Variants in PRELID2 observed in about 807,000 individuals in gnomAD.
The protein encoded by PRELID2 is PRELI domain-containing protein 2.
A neutral mutation model predicts 28.4 loss-of-function variants in PRELID2; 25 were observed. That is an observed-to-expected ratio of 0.88 (90% CI 0.64 to 1.23). PRELID2 has a LOEUF of 1.23. PRELID2 is among the 50% of genes most tolerant of loss of function. The probability of loss-of-function intolerance (pLI) is 0.00; values close to 1 mark genes in which losing one functional copy is unlikely to be tolerated. For missense variants in PRELID2, 201 were observed against 214.4 expected (o/e 0.94, Z 0.39); for synonymous variants, 76 against 71.6 (o/e 1.06, Z -0.31).
chr5:145,811,690 A>G (rs1198038203), intron 4 of PRELID2, among the ~76,000 whole-genome samples: 1 of 152,194 alleles, frequency 6.6e-6, no homozygotes, highest in Admixed American at 6.5e-5. Context: ...TGTGTAAATA[A>G]AGCAGATCTG....
chr5:145,691,034 C>A lies in PRELID2; in HGVS notation n.70+73897G>T, dbSNP rs115510462. On this transcript the variant is annotated intron_variant and non_coding_transcript_variant, in intron 1 of 2. Coordinates refer to the PRELID2 transcript ENST00000510259. ...TTATGATGAAATAGGTACATTTATG[C>A]ACTGCATGTGATGGTGTAAATTGTG... 4.0e-3 allele frequency among the ~76,000 whole-genome samples: 608 copies of A among 151,922 alleles called. 6 individuals carry two copies. The highest frequency in any genetic ancestry group is 0.014 in the African/African-American group (584 of 41,450).
intron 5 of PRELID2, among the ~76,000 whole-genome samples, chr5:145,780,303 G>A (rs899173665): frequency 2.2e-4 from 33 of 152,266 alleles, no homozygotes; most frequent in African/African-American, 7.2e-4. Context: ...GCCTCAAAAC[G>A]ACAACAATAA....
At chr5:145,263,428 G>A in the PRELID2 span, among the ~76,000 whole-genome samples, 8 of 151,774 alleles carry the variant, frequency 5.3e-5, no homozygotes, top group African/African-American at 7.3e-5. Context: ...TAGACCATAC[G>A]CTAGGTCATA....
intron 1 of PRELID2, among the ~76,000 whole-genome samples, chr5:145,560,199 C>T (rs1463400026): frequency 6.6e-6 from 1 of 152,206 alleles, no homozygotes; most frequent in Non-Finnish European, 1.5e-5. Flanking sequence ...CACTTTTGCA[C>T]CATTGTAAAA....
At chr5:145,374,346 G>T in the PRELID2 span, among the ~76,000 whole-genome samples, 1 of 152,116 alleles carries the variant, frequency 6.6e-6, no homozygotes, top group Non-Finnish European at 1.5e-5. Context: ...CTGCTGAGAA[G>T]TCTGCTGTTA....
chr5:145,688,334 G>A lies in PRELID2; in HGVS notation n.70+76597C>T, dbSNP rs150095320. The stretch of plus-strand genomic sequence containing the variant: ...AAAACCCTCGGTAGTCACTTAGGGC[G>A]TGACTTGCATCAGCAGTAATGGTAA... On this transcript the variant is annotated intron_variant and non_coding_transcript_variant, in intron 1 of 2. Coordinates refer to the PRELID2 transcript ENST00000510259. 4.2e-3 allele frequency among the ~76,000 whole-genome samples: 645 copies of A among 152,280 alleles called. 3 individuals are homozygous for A. Among genetic ancestry groups the A allele is most frequent in the Middle Eastern group, 0.014 (4 of 294 alleles).
At chr5:145,260,434 G>A in the PRELID2 span, among the ~76,000 whole-genome samples, 2 of 152,128 alleles carry the variant, frequency 1.3e-5, no homozygotes, top group Admixed American at 1.3e-4. Context: ...CATATCAGAA[G>A]ACTTAAACAG....
intron 4 of PRELID2, among the ~76,000 whole-genome samples, chr5:145,812,965 G>A (rs1006681794): frequency 2.0e-5 from 3 of 152,212 alleles, no homozygotes; most frequent in Non-Finnish European, 2.9e-5. Flanking sequence ...AAGATGCCAC[G>A]ACTGTAGAGA....
At chr5:145,463,022 A>AAAAT in the PRELID2 span, among the ~76,000 whole-genome samples, 1 of 152,208 alleles carries the variant, frequency 6.6e-6, no homozygotes, top group Non-Finnish European at 1.5e-5. Flanking sequence ...TAAATAGTAA[A>AAAAT]AAATAAATAA....
chr5:145,770,494 A>G (rs995738233), intron 5 of PRELID2, among the ~76,000 whole-genome samples: 5 of 152,176 alleles, frequency 3.3e-5, no homozygotes, highest in African/African-American at 1.2e-4. Flanking sequence ...ACAAAGTGAG[A>G]GACCCTGTCT....
chr5:145,326,309 G>A, the PRELID2 span, among the ~76,000 whole-genome samples: 1 of 152,020 alleles, frequency 6.6e-6, no homozygotes, highest in Non-Finnish European at 1.5e-5. Flanking sequence ...GTCAGCCACA[G>A]CATTATTAAA....
At chr5:145,469,945 C>G (rs2126603890), downstream of PRELID2, among the ~76,000 whole-genome samples, 1 of 152,132 alleles carries the variant, frequency 6.6e-6, no homozygotes, top group East Asian at 1.9e-4. Context: ...AGGAATCTAT[C>G]CTACAGATAT....
chr5:145,249,659 CAACATTATTT>C, the PRELID2 span, among the ~76,000 whole-genome samples: 1 of 152,072 alleles, frequency 6.6e-6, no homozygotes, highest in Middle Eastern at 3.2e-3. Context: ...CACCTTCCTT[CAACATTATTT>C]TAAAGGGAAA....
At chr5:145,408,246 A>AT in the PRELID2 span, among the ~76,000 whole-genome samples, 1 of 152,080 alleles carries the variant, frequency 6.6e-6, no homozygotes, top group African/African-American at 2.4e-5. Flanking sequence ...ACAAGGTTTC[A>AT]TAACACCCTT....
downstream of PRELID2, among the ~76,000 whole-genome samples, chr5:145,753,686 G>A (rs574101477): frequency 3.9e-5 from 6 of 152,218 alleles, no homozygotes; most frequent in Middle Eastern, 3.4e-3. Flanking sequence ...TGATGCTGGG[G>A]CCTGCATCAG....
At chr5:145,623,317 G>A (rs60380240) in intron 1 of PRELID2, among the ~76,000 whole-genome samples, 8,786 of 151,606 alleles carry the variant, frequency 0.058, 802 homozygotes, top group African/African-American at 0.2. Flanking sequence ...GTGTGGTGGC[G>A]CGCACCTGTA....
chr5:145,376,733 G>A, the PRELID2 span, among the ~76,000 whole-genome samples: 60 of 152,180 alleles, frequency 3.9e-4, 1 homozygote, highest in African/African-American at 1.3e-3. Flanking sequence ...AGGATCAATG[G>A]TAATATCTCC....
intron 1 of PRELID2, among the ~76,000 whole-genome samples, chr5:145,608,094 C>A (rs1470406644): frequency 6.6e-6 from 1 of 150,398 alleles, no homozygotes; most frequent in African/African-American, 2.5e-5. Flanking sequence ...TTCTGTTTCC[C>A]AATTGCTTGG....
intron 1 of PRELID2, among the ~76,000 whole-genome samples, chr5:145,616,024 C>A: frequency 6.6e-6 from 1 of 152,232 alleles, no homozygotes; most frequent in East Asian, 1.9e-4. Context: ...ATACAAAATT[C>A]TTGACTGATA....
Sources: allele counts gnomAD v4.1 joint callset (sites outside exome capture counted in the v4.1 genomes callset), GRCh38; gene constraint gnomAD v4.1.1; transcripts MANE v1.5; gene names NCBI Gene and HGNC (gene_info 2026-07-23, HGNC 2026-07-21).